Variants in CHD9 observed in about 807,000 individuals in gnomAD.
The protein encoded by CHD9 is chromodomain helicase DNA binding protein 9.
In CHD9, 77 loss-of-function variants were observed where a neutral mutation model predicts 316.1. The ratio of observed to expected loss-of-function variants is 0.24; its 90% CI spans 0.20 to 0.29. The LOEUF (loss-of-function observed/expected upper bound fraction) is 0.29. Among genes scored for constraint, CHD9 ranks in the 10% least tolerant of loss-of-function variants. CHD9 has a pLI of 1.00. For missense variants in CHD9, 2,763 were observed against 3,438.1 expected, an observed-to-expected ratio of 0.80 and a Z score of 4.91; for synonymous variants, 1,129 against 1,158.3, an observed-to-expected ratio of 0.97 and a Z score of 0.51.
At chr16:53,211,654 G>A (rs981133540) in intron 3 of CHD9, among the ~76,000 whole-genome samples, 18 of 152,046 alleles carry the variant, frequency 1.2e-4, no homozygotes, top group Non-Finnish European at 2.2e-4. Flanking sequence ...ATTGATAGAA[G>A]AATTTATAAG....
intron 34 of CHD9, among the ~76,000 whole-genome samples, chr16:53,309,694 C>T (rs1258208896): frequency 1.3e-5 from 2 of 152,146 alleles, no homozygotes; most frequent in African/African-American, 2.4e-5. Flanking sequence ...TCCTAAACTC[C>T]TGACCTCAAA....
intron 1 of CHD9, among the ~76,000 whole-genome samples, chr16:53,091,566 C>A (rs1052171565): frequency 6.6e-6 from 1 of 152,164 alleles, no homozygotes; most frequent in African/African-American, 2.4e-5. Context: ...AGACCCCTGC[C>A]GTAGTTACTC....
chr16:53,249,004 A>C (rs920603019), intron 16 of CHD9, among the ~76,000 whole-genome samples: 1 of 152,076 alleles, frequency 6.6e-6, no homozygotes, highest in Non-Finnish European at 1.5e-5. Context: ...ATTTTATATC[A>C]TGTGATACGA....
chr16:53,233,413 C>A (rs2048347401), intron 10 of CHD9, among the ~76,000 whole-genome samples: 1 of 152,156 alleles, frequency 6.6e-6, no homozygotes, highest in South Asian at 2.1e-4. Context: ...TTGCCATTCT[C>A]CTGGCATGTG....
At chr16:53,243,498 A>T (rs925779929) in intron 13 of CHD9, among the ~76,000 whole-genome samples, 3 of 152,140 alleles carry the variant, frequency 2.0e-5, no homozygotes, top group Non-Finnish European at 4.4e-5. Flanking sequence ...TTTTTAGTAG[A>T]GATGGGGTTT....
intron 1 of CHD9, among the ~76,000 whole-genome samples, chr16:53,143,581 G>T (rs891329478): frequency 6.6e-6 from 1 of 151,854 alleles, no homozygotes; most frequent in East Asian, 1.9e-4. Flanking sequence ...TAGAGACAGG[G>T]TTGCACCATG....
At chr16:53,162,298 G>C (rs146303025) in intron 2 of CHD9, among the ~76,000 whole-genome samples, 1 of 152,146 alleles carries the variant, frequency 6.6e-6, no homozygotes, top group African/African-American at 2.4e-5. Context: ...AGAAGCTATA[G>C]CAAGTGTTTC....
rs11391135 is a variant in CHD9 at position 53,104,811 on chromosome 16, CA to C, written c.-165+49751del. Among the ~76,000 whole-genome samples the C allele has an allele frequency of 8.0e-3, 911 of 113,504 alleles. 2 individuals are homozygous for C. The highest frequency in any genetic ancestry group is 0.012 in the African/African-American group (407 of 33,068). The allele number at this position is 113,504 out of a possible 152,430, so 74.5% of individuals were successfully genotyped here. On this transcript the variant is annotated intron_variant, in intron 1 of 38. Coordinates refer to ENST00000447540, the MANE Select transcript of CHD9 (RefSeq NM_001308319.2). ...CGGGTGACAGAATGAAACTCTGTCTCAAAAAAAAAAAAAAAAAGTTATAATG... is the reference window on the plus strand; with the variant it reads ...CGGGTGACAGAATGAAACTCTGTCTCAAAAAAAAAAAAAAAAGTTATAATG...
At position 53,107,240 on chromosome 16, in the gene CHD9, G is replaced by A. The variant is rs4783806; in HGVS notation, c.-164-48686G>A. On this transcript the variant is annotated intron_variant, in intron 1 of 38. Coordinates refer to ENST00000447540, the MANE Select transcript of CHD9 (RefSeq NM_001308319.2). ...TTCGGGAGGCCAAGGCGGGTGGATC[G>A]TCTGAGGTCAGGAGTTCAAGACCAG... Among the ~76,000 whole-genome samples the A allele has an allele frequency of 6.8e-4, 103 of 151,754 alleles. 1 individual carries two copies. In the East Asian group the frequency reaches 8.4e-3, roughly 12 times the overall value.
intron 34 of CHD9, chr16:53,311,584 T>A (rs186917873): frequency 6.6e-6 from 1 of 152,364 alleles, no homozygotes; most frequent in East Asian, 1.9e-4. Context: ...TTTTGTATTC[T>A]TGTGTAATTA....
At chr16:53,203,779 T>C (rs1567471213) in intron 2 of CHD9, among the ~76,000 whole-genome samples, 1 of 151,990 alleles carries the variant, frequency 6.6e-6, no homozygotes, top group East Asian at 1.9e-4. Context: ...ATCCCAGCAC[T>C]ATGGGAGGCC....
At chr16:53,254,940 G>A (rs1162727398) in intron 18 of CHD9, among the ~76,000 whole-genome samples, 3 of 152,024 alleles carry the variant, frequency 2.0e-5, no homozygotes, top group Admixed American at 2.0e-4. Context: ...ACTAGCATTG[G>A]CTTTGTCTTG....
chr16:53,208,608 A>G (rs558914420), intron 2 of CHD9: 31 of 1,001,974 alleles, frequency 3.1e-5, no homozygotes, highest in South Asian at 4.1e-5. Context: ...TGAGGCAGGT[A>G]TAGAAAAAAT....
At chr16:53,188,323 A>T (rs1299983105) in intron 2 of CHD9, among the ~76,000 whole-genome samples, 1 of 152,150 alleles carries the variant, frequency 6.6e-6, no homozygotes, top group Non-Finnish European at 1.5e-5. Flanking sequence ...TTTCTCTTGC[A>T]TATATTCCTA....
Position 53,316,409 on chromosome 16 carries a change from T to C in CHD9, c.7584+1365T>C, listed in dbSNP as rs377634880. ...TTGCCCTCATACCTATACTCTAGAC[T>C]CTGAAGAATTCTCATACCTTTCTCT... On this transcript the variant is annotated intron_variant, in intron 36 of 38. Coordinates refer to ENST00000447540, the MANE Select transcript of CHD9 (RefSeq NM_001308319.2). 8.3e-4 allele frequency among the ~76,000 whole-genome samples: 126 copies of C among 152,300 alleles called. 1 individual carries two copies. In the South Asian group the frequency reaches 1.0e-2, roughly 12 times the overall value.
At chr16:53,158,513 TC>T (rs1320878152) in intron 2 of CHD9, among the ~76,000 whole-genome samples, 3 of 152,216 alleles carry the variant, frequency 2.0e-5, no homozygotes, top group Admixed American at 6.5e-5. Context: ...TTAGATAATT[TC>T]CGTGCGTCTC....
At chr16:53,299,488 C>G in intron 30 of CHD9, 1 of 275,750 alleles carries the variant, frequency 3.6e-6, no homozygotes, top group Non-Finnish European at 7.1e-6. Context: ...AGTCTGCGCT[C>G]TGCAGCAGCC....
rs549002484 is a variant in CHD9 at position 53,238,491 on chromosome 16, C to T, written c.2782C>T (p.Arg928Cys). Residue 928 changes from arginine (R) to cysteine (C), a missense_variant, in exon 12 of 39, where the codon CGT (arginine) becomes TGT (cysteine). By Grantham distance (180) the Arg-to-Cys change is radical (BLOSUM62 -3). This residue lies in a region of CHD9 where 186 missense variants were observed against 245.0 expected (regional missense o/e 0.76). Coordinates refer to ENST00000447540, the MANE Select transcript of CHD9 (RefSeq NM_001308319.2). ...TATTGCAAACTGGGAGAGAGAATTT[C>T]GTACGTGGACTGATATTAACGTTGT... ...STIANWEREF[R>C]TWTDINVVVY... The T allele has an allele frequency of 8.7e-6, 14 of 1,613,292 alleles. No homozygotes were observed. The highest frequency in any genetic ancestry group is 6.7e-5 in the East Asian group (3 of 44,818).
intron 1 of CHD9, among the ~76,000 whole-genome samples, chr16:53,073,234 A>G (rs1231831546): frequency 6.6e-6 from 1 of 152,176 alleles, no homozygotes; most frequent in Non-Finnish European, 1.5e-5. Context: ...ATCAGATAGT[A>G]TTTGTTTTTG....
Sources: gnomAD v4.1 joint callset for allele counts (sites outside exome capture counted in the v4.1 genomes callset) on GRCh38, gnomAD v4.1.1 for gene constraint, gnomAD v4.1.1 regional missense constraint, MANE v1.5 for transcripts, NCBI Gene and HGNC (gene_info 2026-07-23, HGNC 2026-07-21) for gene names.